The following MYOT variants were observed in gnomAD, a reference collection of about 807,000 sequenced individuals.
MYOT encodes the protein myotilin.
MYOT carries 36 observed loss-of-function variants against 58.0 expected under a neutral mutation model. The observed-to-expected ratio is 0.62, with a 90% CI of 0.48 to 0.82. MYOT has a LOEUF of 0.82. MYOT is among the 40% of genes least tolerant of loss of function. MYOT has a pLI of 0.00. For synonymous variants in MYOT, 218 were observed against 204.6 expected (o/e 1.07, Z -0.56); for missense variants, 505 against 592.1 (o/e 0.85, Z 1.53).
chr5:137,873,732 A>G (rs1226204898), intron 2 of MYOT, among the ~76,000 whole-genome samples: 1 of 152,236 alleles, frequency 6.6e-6, no homozygotes, highest in African/African-American at 2.4e-5. Context: ...ATAGACAACC[A>G]TAAAGATCTT....
At chr5:137,868,365 T>A (rs1023182839) in intron 1 of MYOT, among the ~76,000 whole-genome samples, 1 of 152,162 alleles carries the variant, frequency 6.6e-6, no homozygotes, top group African/African-American at 2.4e-5. Context: ...TCTTTGAAAT[T>A]CATTTAACAT....
At position 137,869,552 on chromosome 5, in the gene MYOT, C is replaced by G. The variant is rs114409223; in HGVS notation, c.-211-889C>G. 6.2e-3 allele frequency among the ~76,000 whole-genome samples: 938 copies of G among 152,146 alleles called. 11 individuals are homozygous for G. The highest frequency in any genetic ancestry group is 0.021 in the African/African-American group (890 of 41,498). ...CTGTCTTTTCTTGGTAAGGTATAGA[C>G]TAGTTTCATATGTGTCTTATTTACT... On this transcript the variant is annotated intron_variant, in intron 1 of 9. Coordinates refer to ENST00000239926, the MANE Select transcript of MYOT (RefSeq NM_006790.3).
intron 1 of MYOT, among the ~76,000 whole-genome samples, chr5:137,869,831 T>C (rs1165302016): frequency 1.3e-5 from 2 of 151,862 alleles, no homozygotes; most frequent in African/African-American, 4.8e-5. Flanking sequence ...TAAAAATACA[T>C]AATAAAAACA....
intron 4 of MYOT, among the ~76,000 whole-genome samples, chr5:137,880,061 A>C (rs1405843650): frequency 6.6e-6 from 1 of 152,130 alleles, no homozygotes; most frequent in African/African-American, 2.4e-5. Flanking sequence ...GCTCCTACAG[A>C]GCTTTGGGTA....
chr5:137,879,044 T>C (rs1431718158), intron 4 of MYOT, among the ~76,000 whole-genome samples: 1 of 152,102 alleles, frequency 6.6e-6, no homozygotes, highest in Non-Finnish European at 1.5e-5. Flanking sequence ...CAAGTGATTC[T>C]CGTGCCTCAG....
intron 1 of MYOT, among the ~76,000 whole-genome samples, chr5:137,869,541 TA>T (rs1457736010): frequency 6.6e-6 from 1 of 152,158 alleles, no homozygotes; most frequent in Non-Finnish European, 1.5e-5. Context: ...CTTTTCTTGG[TA>T]AGGTATAGAC....
intron 8 of MYOT, 114 bp downstream of exon 8, chr5:137,886,327 AC>A: frequency 1.7e-6 from 1 of 600,002 alleles, no homozygotes; most frequent in Non-Finnish European, 2.7e-6. Flanking sequence ...TTTTTAAAAC[AC>A]TAAAGAATAA....
Position 137,887,459 on chromosome 5 carries a change from TC to T in MYOT, c.*76del. The T allele has an allele frequency of 7.2e-7, 1 of 1,392,342 alleles. No individual in the cohort carries two copies. Among genetic ancestry groups the T allele is most frequent in the Non-Finnish European group, 1.0e-6 (1 of 989,666 alleles). The allele number at this position is 1,392,342 out of a possible 1,614,324, so 86.2% of individuals were successfully genotyped here. A position where few individuals can be genotyped will look rare whatever the true frequency, so the allele number is the denominator to read the frequency against. ...TTTGATTACATTTTTTTGAAATTAA[TC>T]CATAGCTGTATTAACAGATTATGGT... On this transcript the variant is annotated 3_prime_UTR_variant, in exon 10 of 10. Transcript: ENST00000239926.
At chr5:137,876,474 G>A (rs796213408) in intron 3 of MYOT, among the ~76,000 whole-genome samples, 12 of 152,296 alleles carry the variant, frequency 7.9e-5, no homozygotes, top group African/African-American at 2.4e-4. Context: ...CTCTCAATCA[G>A]AAGTTAGTAC....
intron 4 of MYOT, chr5:137,880,477 A>G (rs1755390798): frequency 8.1e-6 from 2 of 248,112 alleles, no homozygotes; most frequent in South Asian, 1.1e-4. Flanking sequence ...CTAAAGGACA[A>G]TCTGTACTCT....
intron 5 of MYOT, among the ~76,000 whole-genome samples, chr5:137,881,677 A>C (rs1166008081): frequency 6.6e-6 from 1 of 152,072 alleles, no homozygotes; most frequent in Non-Finnish European, 1.5e-5. Context: ...AAACGTCAAA[A>C]ACTTAATTTG....
rs147891371 is a variant in MYOT at position 137,886,990 on chromosome 5, C to G, written c.1317C>G (p.Asp439Glu). ...TGACTACATGTAACACAAGATTAGACGTTACGGGTATGTCATACTATTAAC... is the reference window on the plus strand; with the variant it reads ...TGACTACATGTAACACAAGATTAGAGGTTACGGGTATGTCATACTATTAAC... ...AGVTTCNTRLDVTARPNQTLP... is the reference protein window; with the variant it reads ...AGVTTCNTRLEVTARPNQTLP... The change falls in exon 9 of 10, where the codon GAC (aspartate) becomes GAG (glutamate). Residue 439 changes from aspartate (D) to glutamate (E), a missense_variant. Transcript: ENST00000239926. 3 of 1,613,178 alleles carry G rather than the reference C, an allele frequency of 1.9e-6. No individual in the cohort carries two copies. The Admixed American group carries it at 5.0e-5, about 27-fold the overall frequency.
rs1349389565 is a variant in MYOT, at chr5:137,880,879, A to G, written c.683+14A>G. The G allele has an allele frequency of 6.4e-7, 1 of 1,563,970 alleles. No individual in the cohort carries two copies. The highest frequency in any genetic ancestry group is 1.1e-5 in the South Asian group (1 of 88,812). ...ATCACAAGTAAGGTAAAAAATTTTA[A>G]TTTTAAAGAAATGTATGTTTTCCTA... On this transcript the variant is annotated intron_variant, in intron 5 of 9. Coordinates refer to ENST00000239926, the MANE Select transcript of MYOT (RefSeq NM_006790.3).
intron 2 of MYOT, among the ~76,000 whole-genome samples, chr5:137,875,451 C>A (rs542856217): frequency 6.6e-6 from 1 of 151,996 alleles, no homozygotes; most frequent in Non-Finnish European, 1.5e-5. Flanking sequence ...ATACAATATA[C>A]CCATGTAACA....
At chr5:137,874,134 C>G (rs1025149725) in intron 2 of MYOT, among the ~76,000 whole-genome samples, 2 of 152,290 alleles carry the variant, frequency 1.3e-5, no homozygotes, top group East Asian at 1.9e-4. Context: ...TCATTGAGGG[C>G]AGTGGCTAGT....
At chr5:137,873,864 G>A (rs1453669056) in intron 2 of MYOT, among the ~76,000 whole-genome samples, 1 of 152,214 alleles carries the variant, frequency 6.6e-6, no homozygotes, top group East Asian at 1.9e-4. Context: ...CTCTGTGTTC[G>A]TGGATATAAA....
chr5:137,880,744 G>C (rs1461331114), intron 4 of MYOT, 72 bp from the exon 5 acceptor site: 3 of 1,240,170 alleles, frequency 2.4e-6, no homozygotes, highest in Admixed American at 1.7e-5. Context: ...CCTTTCAACT[G>C]TAACTACTTA....
Position 137,870,912 on chromosome 5 carries a change from C to A in MYOT, c.261C>A (p.Thr87=), listed in dbSNP as rs1457241691. ...CCAACCCAGGCCAAAGGGTTACAAC[C>A]ACCTATAACCAGTCCCCAGCCAGCT... ...AGSNPGQRVT[T]TYNQSPASFL... Residue 87 remains threonine, a synonymous_variant, in exon 2 of 10, where the codon ACC becomes ACA. Transcript: ENST00000239926. The A allele has an allele frequency of 6.2e-7, 1 of 1,614,196 alleles. No individual in the cohort carries two copies. The highest frequency in any genetic ancestry group is 8.5e-7 in the Non-Finnish European group (1 of 1,180,012).
intron 3 of MYOT, 46 bp from the exon 4 acceptor site, chr5:137,877,474 A>T: frequency 7.3e-7 from 1 of 1,361,602 alleles, no homozygotes; most frequent in Non-Finnish European, 1.1e-6. Context: ...ACCTGTACAA[A>T]CATCTTTTAT....
Sources: allele counts gnomAD v4.1 joint callset (sites outside exome capture counted in the v4.1 genomes callset), GRCh38; gene constraint gnomAD v4.1.1; transcripts MANE v1.5; gene names NCBI Gene and HGNC (gene_info 2026-07-23, HGNC 2026-07-21).